The following NOP2 variants were observed in gnomAD, a reference collection of about 807,000 sequenced individuals.
NOP2 encodes the protein 28S rRNA (cytosine(4447)-C(5))-methyltransferase.
A neutral mutation model predicts 72.7 loss-of-function variants in NOP2; 7 were observed. The observed-to-expected ratio is 0.10, with a 90% CI of 0.05 to 0.18. The LOEUF is 0.18. NOP2 is among the 10% of genes least tolerant of loss of function. The probability of loss-of-function intolerance (pLI) is 1.00; values close to 1 mark genes in which losing one functional copy is unlikely to be tolerated. For synonymous variants in NOP2, 387 were observed against 388.0 expected (o/e 1.00, Z 0.03); for missense variants, 954 against 1,014.7 (o/e 0.94, Z 0.81).
At chr12:6,568,060 C>G (rs1947833152) in intron 1 of NOP2, 138 bp from the exon 2 acceptor site, 2 of 637,938 alleles carry the variant, frequency 3.1e-6, no homozygotes, top group Admixed American at 5.7e-5. Flanking sequence ...CCCGACTCAG[C>G]ACCCGCGACT....
At position 6,561,258 on chromosome 12, in the gene NOP2, T is replaced by C. The variant is rs532294315; in HGVS notation, c.1208-188A>G. Among the ~76,000 whole-genome samples, 3 of 152,352 alleles carry C rather than the reference T, an allele frequency of 2.0e-5. No homozygotes were observed. The East Asian group carries it at 5.8e-4, about 29-fold the overall frequency. ...CCCTGGTGATCGGCAAGTCTACCGA[T>C]GTGGTTTTCCCATTTTTACCAAACA... On this transcript the variant is annotated intron_variant, in intron 11 of 15. Transcript: ENST00000322166.
chr12:6,566,621 A>G lies in NOP2; in HGVS notation c.150-4T>C. 6.8e-6 allele frequency: 11 copies of G among 1,613,792 alleles called. No individual in the cohort carries two copies. The highest frequency in any genetic ancestry group is 9.3e-6 in the Non-Finnish European group (11 of 1,179,750). Reference sequence around the variant, plus strand: ...GCCCAATCTCCTCTTGGCTGCCCTGAAAAGACACAAGAGATTCAAGGAGTG... The same window carrying G: ...GCCCAATCTCCTCTTGGCTGCCCTGGAAAGACACAAGAGATTCAAGGAGTG... On this transcript the variant is annotated splice_polypyrimidine_tract_variant and splice_region_variant and intron_variant, in intron 3 of 15. Transcript: ENST00000322166.
In NOP2 at chr12:6,560,510, A is replaced by C; in HGVS notation, c.1497T>G (p.Ile499Met). 6.2e-7 allele frequency: 1 copy of C among 1,606,506 alleles called. No homozygotes were observed. The highest frequency in any genetic ancestry group is 1.1e-5 in the South Asian group (1 of 90,758). ...TCTTGGAGGTCGCATTGACAGAGTCAATAGCACTCAGGAGCAACTCCTTCT... is the reference window on the plus strand; with the variant it reads ...TCTTGGAGGTCGCATTGACAGAGTCCATAGCACTCAGGAGCAACTCCTTCT... ...HLQKELLLSA[I>M]DSVNATSKTG... Residue 499 changes from isoleucine to methionine, a missense_variant, in exon 14 of 16, where the codon ATT (isoleucine) becomes ATG (methionine). Coordinates refer to ENST00000322166, the MANE Select transcript of NOP2 (RefSeq NM_001258308.2). This position sits in a 1 kb window ranked among gnomAD's most constrained non-coding sequence, Gnocchi z 5.0.
chr12:6,562,319 C>T (rs1273856242), intron 9 of NOP2, among the ~76,000 whole-genome samples: 1 of 152,170 alleles, frequency 6.6e-6, no homozygotes, highest in Admixed American at 6.5e-5. Context: ...ACCTCATAGG[C>T]TACTCTACCC....
Position 6,557,322 on chromosome 12 carries a change from T to G in NOP2, c.2110A>C (p.Lys704Gln). The change falls in exon 16 of 16, where the codon AAA becomes CAA. Residue 704 changes from lysine to glutamine, a missense_variant. Physicochemically the swap from Lys to Gln is moderately conservative, Grantham distance 53 (BLOSUM62 1). This residue lies in a region of NOP2 where 269 missense variants were observed against 260.2 expected (regional missense o/e 1.03). Transcript: ENST00000322166. Reference sequence around the variant, plus strand: ...GCAACTTTCTTGGAGGACTGTAATTTAGGTGATCGTTGCTTTAGCTTCCCA... The same window carrying G: ...GCAACTTTCTTGGAGGACTGTAATTGAGGTGATCGTTGCTTTAGCTTCCCA... Reference protein sequence around the residue: ...VTGKLKQRSPKLQSSKKVAFL... With the variant: ...VTGKLKQRSPQLQSSKKVAFL... The G allele has an allele frequency of 1.2e-6, 2 of 1,614,060 alleles. No individual in the cohort carries two copies. Among genetic ancestry groups the G allele is most frequent in the South Asian group, 2.2e-5 (2 of 91,088 alleles).
rs375691076 is a variant in NOP2, at chr12:6,557,607, A to C, written c.1825T>G (p.Leu609Val). ...TCAGACTTGGGGATGACCTGAGGCA[A>C]GTCTACATTTGTAGGTGTGGCTGTT... is the stretch of plus-strand genomic sequence containing the variant. ...SETATPTNVD[L>V]PQVIPKSENS... Residue 609 changes from leucine to valine, a missense_variant, in exon 16 of 16, where the codon TTG (leucine) becomes GTG (valine). Physicochemically the swap from Leu to Val is conservative, Grantham distance 32. Transcript: ENST00000322166. The C allele has an allele frequency of 3.7e-6, 6 of 1,613,334 alleles. No individual in the cohort carries two copies. Among genetic ancestry groups the C allele is most frequent in the Middle Eastern group, 1.6e-4 (1 of 6,084 alleles).
rs959208804 is a variant in NOP2 at position 6,561,152 on chromosome 12, C to T, written c.1208-82G>A. 7 of 1,552,212 alleles carry T rather than the reference C, an allele frequency of 4.5e-6. No homozygotes were observed. In the Admixed American group the frequency reaches 9.0e-5, roughly 20 times the overall value. On this transcript the variant is annotated intron_variant, in intron 11 of 15. Coordinates refer to ENST00000322166, the MANE Select transcript of NOP2 (RefSeq NM_001258308.2). ...TCCCACCCTCCTGTCCAGGAATCCA[C>T]ATGAGAAGTGTCATCACCTCAAGGC...
At chr12:6,567,622 G>A (rs1041854265) in intron 2 of NOP2, 194 bp downstream of exon 2, 1 of 508,170 alleles carries the variant, frequency 2.0e-6, no homozygotes, top group South Asian at 3.0e-5. Flanking sequence ...TAATAGTTGT[G>A]TCCGTGTCTT....
At chr12:6,567,595 C>T (rs947574276) in intron 2 of NOP2, 5 of 461,556 alleles carry the variant, frequency 1.1e-5, no homozygotes, top group Non-Finnish European at 1.9e-5. Context: ...TTAAATCACA[C>T]TTTTCCCTTG....
chr12:6,558,140 CAAAAAAAAA>C (rs1186896591), intron 15 of NOP2: 77 of 174,850 alleles, frequency 4.4e-4, no homozygotes, highest in Non-Finnish European at 6.6e-4. Flanking sequence ...GACACCGTCT[CAAAAAAAAA>C]AAAAAAAAAA....
rs1285406044 is a variant in NOP2 at position 6,568,288 on chromosome 12, C to G, written c.-86G>C. 5.3e-6 allele frequency: 1 copy of G among 186,942 alleles called. No homozygotes were observed. The highest frequency in any genetic ancestry group is 1.1e-5 in the Non-Finnish European group (1 of 89,596). The allele number at this position is 186,942 out of a possible 1,614,324, so 11.6% of individuals were successfully genotyped here. On this transcript the variant is annotated 5_prime_UTR_variant, in exon 1 of 16. Coordinates refer to ENST00000322166, the MANE Select transcript of NOP2 (RefSeq NM_001258308.2). ...GGACCTAGCTTTCGGCCGGCACTCG[C>G]CACAGAATCGTTCCACGCAGGCGCA... is the stretch of plus-strand genomic sequence containing the variant.
At chr12:6,561,834 G>C (rs376842174) in intron 10 of NOP2, 30 bp from the exon 11 acceptor site, 16 of 1,608,660 alleles carry the variant, frequency 9.9e-6, no homozygotes, top group African/African-American at 1.3e-5. Flanking sequence ...TGTGACATGC[G>C]GTAGGGACAG....
At chr12:6,558,140 CAAAAAAAAAAA>C (rs1186896591) in intron 15 of NOP2, 3 of 174,874 alleles carry the variant, frequency 1.7e-5, no homozygotes, top group East Asian at 4.0e-4. Flanking sequence ...GACACCGTCT[CAAAAAAAAAAA>C]AAAAAAAAAA....
In NOP2 at chr12:6,557,250, GTGTT is replaced by G; in HGVS notation, c.2178_2181del (p.Gln726HisfsTer14). The G allele has an allele frequency of 6.2e-7, 1 of 1,613,968 alleles. No individual in the cohort carries two copies. Among genetic ancestry groups the G allele is most frequent in the Non-Finnish European group, 8.5e-7 (1 of 1,179,824 alleles). The stretch of plus-strand genomic sequence containing the variant: ...GTCTTGGATGGGGATAACACAGCCG[GTGTT>G]TGTGTGTCTGTGCCCTTGGGAGGGG... On this transcript the variant is annotated frameshift_variant, in exon 16 of 16. Transcript: ENST00000322166. LOFTEE classifies it low-confidence loss of function (END_TRUNC).
At chr12:6,565,287 G>A (rs1446916527) in intron 5 of NOP2, among the ~76,000 whole-genome samples, 3 of 151,874 alleles carry the variant, frequency 2.0e-5, no homozygotes, top group Admixed American at 1.3e-4. Context: ...CTGAGAAGCT[G>A]GGACTACAGG....
Position 6,557,622 on chromosome 12 carries a change from G to A in NOP2, c.1810C>T (p.Pro604Ser). Residue 604 changes from proline to serine, a missense_variant, in exon 16 of 16, where the codon CCT becomes TCT. This residue lies in a region of NOP2 where 269 missense variants were observed against 260.2 expected (regional missense o/e 1.03). Coordinates refer to ENST00000322166, the MANE Select transcript of NOP2 (RefSeq NM_001258308.2). ...ACCTGAGGCAAGTCTACATTTGTAGGTGTGGCTGTTTCAGAATTTCCTGGG... is the reference window on the plus strand; with the variant it reads ...ACCTGAGGCAAGTCTACATTTGTAGATGTGGCTGTTTCAGAATTTCCTGGG... ...SQTGNSETAT[P>S]TNVDLPQVIP... 2 of 1,611,820 alleles carry A rather than the reference G, an allele frequency of 1.2e-6. No individual in the cohort carries two copies. Among genetic ancestry groups the A allele is most frequent in the East Asian group, 2.2e-5 (1 of 44,874 alleles).
intron 11 of NOP2, among the ~76,000 whole-genome samples, 167 bp from the exon 12 acceptor site, chr12:6,561,237 G>A (rs901799918): frequency 6.6e-6 from 1 of 152,180 alleles, no homozygotes; most frequent in Admixed American, 6.5e-5. Flanking sequence ...ACTAGCCCCT[G>A]GTGATCGGCA....
intron 4 of NOP2, 38 bp from the exon 5 acceptor site, chr12:6,566,374 A>G (rs200372059): frequency 6.4e-7 from 1 of 1,558,684 alleles, no homozygotes; most frequent in Admixed American, 1.7e-5. Flanking sequence ...TGGCAGCCAC[A>G]CATTCCCTGG....
At chr12:6,562,371 A>G (rs1037258190) in intron 9 of NOP2, among the ~76,000 whole-genome samples, 5 of 152,326 alleles carry the variant, frequency 3.3e-5, no homozygotes, top group Non-Finnish European at 7.4e-5. Context: ...TCATAAAAAC[A>G]TGGCCCATAC....
Sources: gnomAD v4.1 joint callset for allele counts (sites outside exome capture counted in the v4.1 genomes callset) on GRCh38, gnomAD v4.1.1 for gene constraint, gnomAD v4.1.1 regional missense constraint, Gnocchi (gnomAD v3.1) non-coding constraint, MANE v1.5 for transcripts, NCBI Gene and HGNC (gene_info 2026-07-23, HGNC 2026-07-21) for gene names.